ADAMTS17: variants seen among roughly 807,000 people sequenced by gnomAD.
ADAMTS17 encodes ADAM metallopeptidase with thrombospondin type 1 motif 17.
ADAMTS17 carries 113 observed loss-of-function variants against 141.5 expected under a neutral mutation model. The ratio of observed to expected loss-of-function variants is 0.80; its 90% CI spans 0.69 to 0.93. The LOEUF is 0.93. Among genes scored for constraint, ADAMTS17 ranks in the 40% least tolerant of loss-of-function variants. The pLI is 0.00. For missense variants in ADAMTS17, 1,659 were observed against 1,517.9 expected (o/e 1.09, Z -1.54); for synonymous variants, 768 against 630.6 (o/e 1.22, Z -3.27).
At chr15:99,994,520 G>C (rs890444793) in intron 19 of ADAMTS17, among the ~76,000 whole-genome samples, 12 of 151,348 alleles carry the variant, frequency 7.9e-5, no homozygotes, top group Non-Finnish European at 1.5e-4. Flanking sequence ...TGTTATTCCT[G>C]ATATTTGTTA....
At chr15:100,086,712 G>A (rs916923321) in intron 15 of ADAMTS17, among the ~76,000 whole-genome samples, 2 of 149,444 alleles carry the variant, frequency 1.3e-5, no homozygotes, top group African/African-American at 5.0e-5. Flanking sequence ...CAACTACATG[G>A]AAACTGAAAA....
chr15:100,096,385 T>C lies in ADAMTS17; in HGVS notation c.2108A>G (p.Lys703Arg), dbSNP rs1196401063. 2 of 1,614,092 alleles carry C rather than the reference T, an allele frequency of 1.2e-6. No homozygotes were observed. Among genetic ancestry groups the C allele is most frequent in the Non-Finnish European group, 1.7e-6 (2 of 1,180,036 alleles). The change falls in exon 15 of 22, where the codon AAG becomes AGG. Residue 703 changes from lysine (K) to arginine (R), a missense_variant. Physicochemically the swap from Lys to Arg is conservative, Grantham distance 26. Transcript: ENST00000268070. ...CCCCCGGGCGTGGCTGAAGTCGCCC[T>C]TCACCAAGTGGCAGGTCTTGCCGTC... ...SGDGKTCHLV[K>R]GDFSHARGTA...
At chr15:100,271,866 G>A (rs774885111) in intron 4 of ADAMTS17, among the ~76,000 whole-genome samples, 46 of 152,066 alleles carry the variant, frequency 3.0e-4, no homozygotes, top group Non-Finnish European at 5.9e-4. Flanking sequence ...CTTCTGTTTA[G>A]GACTTTGATC....
chr15:100,137,839 GCCAACACCAACACCCACCCTTTCACTA>G (rs2038415491), intron 10 of ADAMTS17, among the ~76,000 whole-genome samples: 1 of 151,638 alleles, frequency 6.6e-6, no homozygotes, highest in Non-Finnish European at 1.5e-5. Context: ...CCCTTTCACT[GCCAACACCAACACCCACCCTTTCACTA>G]CCAACACCCA....
At chr15:100,268,321 T>C (rs1046841026) in intron 4 of ADAMTS17, among the ~76,000 whole-genome samples, 2 of 152,198 alleles carry the variant, frequency 1.3e-5, no homozygotes, top group African/African-American at 4.8e-5. Context: ...TACTCAGTAA[T>C]GGGATTGCTG....
intron 18 of ADAMTS17, among the ~76,000 whole-genome samples, chr15:100,012,547 A>T (rs2061207189): frequency 6.6e-6 from 1 of 152,086 alleles, no homozygotes; most frequent in Non-Finnish European, 1.5e-5. Flanking sequence ...ATCCGTCTTG[A>T]GTTGATTTCT....
At chr15:100,314,492 G>C (rs1266064826) in intron 3 of ADAMTS17, among the ~76,000 whole-genome samples, 1 of 152,190 alleles carries the variant, frequency 6.6e-6, no homozygotes, top group East Asian at 1.9e-4. Context: ...AGAGAGGGTT[G>C]AAAGAGGGAA....
chr15:100,340,873 C>T (rs1418813669), intron 2 of ADAMTS17, 166 bp downstream of exon 2: 3 of 1,118,140 alleles, frequency 2.7e-6, no homozygotes, highest in African/African-American at 3.2e-5. Context: ...TAGAGGGTAC[C>T]GAAGGCCGGG....
At chr15:100,305,552 G>A in intron 3 of ADAMTS17, among the ~76,000 whole-genome samples, 1 of 152,232 alleles carries the variant, frequency 6.6e-6, no homozygotes, top group Non-Finnish European at 1.5e-5. Context: ...GGGCAGGCAG[G>A]TGCACCCAGG....
At chr15:100,204,071 T>C (rs541514032) in intron 7 of ADAMTS17, among the ~76,000 whole-genome samples, 2 of 152,338 alleles carry the variant, frequency 1.3e-5, no homozygotes, top group South Asian at 2.1e-4. Flanking sequence ...AGTAGAAGCA[T>C]AATTTTGTAG....
chr15:100,326,685 G>C (rs771104856), intron 3 of ADAMTS17, among the ~76,000 whole-genome samples: 1 of 152,168 alleles, frequency 6.6e-6, no homozygotes. Context: ...TGGCACCTAC[G>C]CTCTTTATGG....
At chr15:100,267,610 C>T (rs1412203873) in intron 4 of ADAMTS17, among the ~76,000 whole-genome samples, 3 of 152,014 alleles carry the variant, frequency 2.0e-5, no homozygotes, top group East Asian at 1.9e-4. Context: ...GTTTGGGATA[C>T]GAATCACCCC....
intron 18 of ADAMTS17, among the ~76,000 whole-genome samples, chr15:100,013,780 G>A (rs1034299015): frequency 6.6e-6 from 1 of 152,186 alleles, no homozygotes; most frequent in Non-Finnish European, 1.5e-5. Flanking sequence ...GCTGGATTCA[G>A]TTAACTTGTA....
rs137981898 is a variant in ADAMTS17 at position 100,318,647 on chromosome 15, C to T, written c.616+12242G>A. Among the ~76,000 whole-genome samples the T allele has an allele frequency of 4.9e-3, 749 of 152,294 alleles. 7 individuals are homozygous for T. The highest frequency in any genetic ancestry group is 0.017 in the African/African-American group (694 of 41,550). On this transcript the variant is annotated intron_variant, in intron 3 of 21. Coordinates refer to ENST00000268070, the MANE Select transcript of ADAMTS17 (RefSeq NM_139057.4). The stretch of plus-strand genomic sequence containing the variant: ...TAGCTGACAGTTTTTGTTATAGCAG[C>T]CCAAACAGACTAAGACCATTCCTTA...
chr15:100,341,845 C>A lies in ADAMTS17; in HGVS notation c.55G>T (p.Val19Phe). The A allele has an allele frequency of 6.4e-7, 1 of 1,552,890 alleles. No individual in the cohort carries two copies. The highest frequency in any genetic ancestry group is 8.7e-7 in the Non-Finnish European group (1 of 1,148,154). Residue 19 changes from valine to phenylalanine, a missense_variant, in exon 1 of 22, where the codon GTT becomes TTT. By Grantham distance (50) the Val-to-Phe change is conservative (BLOSUM62 -1). Coordinates refer to ENST00000268070, the MANE Select transcript of ADAMTS17 (RefSeq NM_139057.4). Reference protein sequence around the residue: ...PLVLPVLLLLVWGLDPGTAVG... With the variant: ...PLVLPVLLLLFWGLDPGTAVG... ...CCTGTGCCCGGGTCCAGTCCCCAAACCAGCAGCAGCAGCACGGGCAGGACG... is the reference window on the plus strand; with the variant it reads ...CCTGTGCCCGGGTCCAGTCCCCAAAACAGCAGCAGCAGCACGGGCAGGACG...
At chr15:100,335,241 T>G (rs1185625005) in intron 2 of ADAMTS17, among the ~76,000 whole-genome samples, 1 of 152,158 alleles carries the variant, frequency 6.6e-6, no homozygotes, top group Non-Finnish European at 1.5e-5. Flanking sequence ...CAAGTCCAAA[T>G]GCCTTCGGTT....
At chr15:100,278,664 G>A (rs990881436) in intron 4 of ADAMTS17, among the ~76,000 whole-genome samples, 7 of 152,184 alleles carry the variant, frequency 4.6e-5, no homozygotes, top group Non-Finnish European at 8.8e-5. Context: ...GCAGAGAGAG[G>A]CATGTCCCGA....
intron 7 of ADAMTS17, among the ~76,000 whole-genome samples, chr15:100,211,842 C>G (rs2041819835): frequency 6.6e-6 from 1 of 152,206 alleles, no homozygotes; most frequent in Middle Eastern, 3.4e-3. Flanking sequence ...CTGACAATAA[C>G]CGGCAAGGTT....
intron 10 of ADAMTS17, among the ~76,000 whole-genome samples, chr15:100,135,575 G>A (rs538423366): frequency 4.6e-5 from 7 of 152,244 alleles, no homozygotes; most frequent in East Asian, 3.9e-4. Flanking sequence ...GAGCCACTGC[G>A]CCTGGCCAAA....
Sources: allele counts gnomAD v4.1 joint callset (sites outside exome capture counted in the v4.1 genomes callset), GRCh38; gene constraint gnomAD v4.1.1; transcripts MANE v1.5; gene names NCBI Gene and HGNC (gene_info 2026-07-23, HGNC 2026-07-21).